Variants in ZNF45 observed in about 807,000 individuals in gnomAD.
ZNF45 encodes the protein zinc finger protein 45.
In ZNF45, 4 loss-of-function variants were observed where a neutral mutation model predicts 12.0. The ratio of observed to expected loss-of-function variants is 0.33; its 90% CI spans 0.16 to 0.76. The LOEUF (loss-of-function observed/expected upper bound fraction) is 0.76, where lower values mean the gene tolerates loss of function less well. Among genes scored for constraint, ZNF45 ranks in the 30% least tolerant of loss-of-function variants. The pLI is 0.60. For synonymous variants in ZNF45, 272 were observed against 279.6 expected (o/e 0.97, Z 0.27); for missense variants, 700 against 813.0 (o/e 0.86, Z 1.69).
At chr19:43,925,129 C>G (rs1356004267) in intron 4 of ZNF45, 196 bp downstream of exon 4, 1 of 152,190 alleles carries the variant, frequency 6.6e-6, no homozygotes, top group African/African-American at 2.4e-5. Flanking sequence ...AGCTCTTTCT[C>G]TCTTCCTCCC....
At chr19:43,919,462 T>C in intron 8 of ZNF45, 111 bp downstream of exon 8, 3 of 1,322,126 alleles carry the variant, frequency 2.3e-6, no homozygotes, top group Admixed American at 2.4e-5. Flanking sequence ...TGTCTTATGA[T>C]GGATGATTAG....
Position 43,930,207 on chromosome 19 carries a change from A to ACT in ZNF45, c.-400+2395_-400+2396dup, listed in dbSNP as rs561677336. Among the ~76,000 whole-genome samples the ACT allele has an allele frequency of 5.9e-4, 89 of 152,004 alleles. 1 individual carries two copies. Among genetic ancestry groups the ACT allele is most frequent in the African/African-American group, 2.1e-3 (87 of 41,444 alleles). On this transcript the variant is annotated intron_variant, in intron 3 of 9. Transcript: ENST00000269973. ...TATGGCAGAAGAACAAGGGAGGTGAACTCTCTCTCTGAAGCCTCTTTTATA... is the reference window on the plus strand; with the variant it reads ...TATGGCAGAAGAACAAGGGAGGTGAACTCTCTCTCTCTGAAGCCTCTTTTATA...
In ZNF45 at chr19:43,914,958, C is replaced by G. The variant is rs148906238; in HGVS notation, c.478G>C (p.Gly160Arg). The change falls in exon 10 of 10, where the codon GGT (glycine) becomes CGT (arginine). Residue 160 changes from glycine to arginine, a missense_variant. Physicochemically the swap from Gly to Arg is moderately radical, Grantham distance 125. Coordinates refer to ENST00000269973, the MANE Select transcript of ZNF45 (RefSeq NM_003425.4). ...TGTTCTCCTTTGTAGGGTTTTTCAC[C>G]AGTGTGGACTCTGTGAACTTGAAGA... ...SHLQVHRVHT[G>R]EKPYKGEHCV... 405 of 1,606,484 alleles carry G rather than the reference C, an allele frequency of 2.5e-4. 2 individuals are homozygous for G. The highest frequency in any genetic ancestry group is 5.8e-5 in the Non-Finnish European group (68 of 1,174,192).
intron 2 of ZNF45, among the ~76,000 whole-genome samples, chr19:43,933,637 TG>T (rs1974306817): frequency 6.6e-6 from 1 of 152,158 alleles, no homozygotes; most frequent in Non-Finnish European, 1.5e-5. Flanking sequence ...TGGGTATGTT[TG>T]GATATTTCCA....
At chr19:43,927,420 CAT>C (rs1299576691) in intron 3 of ZNF45, among the ~76,000 whole-genome samples, 1 of 152,124 alleles carries the variant, frequency 6.6e-6, no homozygotes, top group Non-Finnish European at 1.5e-5. Flanking sequence ...ATTCATTCAA[CAT>C]ATGATTGTTG....
rs1350913303 is a variant in ZNF45 at position 43,924,288 on chromosome 19, TA to T, written c.-84del. Reference sequence around the variant, plus strand: ...GTTGTGTGACCTTGGTCCAAACACCTAAACTTCTGTGCCTATGCTCAGCTAT... The same window carrying T: ...GTTGTGTGACCTTGGTCCAAACACCTAACTTCTGTGCCTATGCTCAGCTAT... On this transcript the variant is annotated 5_prime_UTR_variant, in exon 6 of 10. The change creates a premature stop within an existing upstream ORF in the 5' untranslated region. Transcript: ENST00000269973. 2 of 152,238 alleles carry T rather than the reference TA, an allele frequency of 1.3e-5. No homozygotes were observed. The highest frequency in any genetic ancestry group is 4.8e-5 in the African/African-American group (2 of 41,450). The allele number at this position is 152,238 out of a possible 1,614,324, so 9.4% of individuals were successfully genotyped here.
chr19:43,925,079 A>G (rs1973562679), intron 4 of ZNF45: 1 of 152,196 alleles, frequency 6.6e-6, no homozygotes, highest in African/African-American at 2.4e-5. Context: ...TGAAGCCTCC[A>G]TAATGGGATT....
intron 7 of ZNF45, among the ~76,000 whole-genome samples, chr19:43,920,316 C>T (rs770764900): frequency 5.3e-5 from 8 of 151,718 alleles, no homozygotes; most frequent in African/African-American, 1.5e-4. Context: ...TTAGCATATA[C>T]GTTGTTGTTC....
Position 43,932,964 on chromosome 19 carries a change from G to C in ZNF45, c.-486-274C>G, listed in dbSNP as rs12978654. On this transcript the variant is annotated intron_variant, in intron 2 of 9. Transcript: ENST00000269973. ...TGTCTTTGGAAATAGGGCCTTTAAA[G>C]AGGTGATGAAGTTGACTTACAGCAA... 6.6e-3 allele frequency among the ~76,000 whole-genome samples: 1,005 copies of C among 152,294 alleles called. 3 individuals are homozygous for C. The highest frequency in any genetic ancestry group is 0.012 in the Non-Finnish European group (787 of 68,014).
chr19:43,914,664 C>T lies in ZNF45; in HGVS notation c.772G>A (p.Gly258Arg), dbSNP rs753977457. Reference protein sequence around the residue: ...YKYEECGRNVGKSSHCQAPLI... With the variant: ...YKYEECGRNVRKSSHCQAPLI... ...GGAGCTTGACAATGTGAGCTTTTCC[C>T]AACATTCCTCCCACACTCTTCATAT... is the stretch of plus-strand genomic sequence containing the variant. Residue 258 changes from glycine (G) to arginine (R), a missense_variant, in exon 10 of 10, where the codon GGG (glycine) becomes AGG (arginine). Physicochemically the swap from Gly to Arg is moderately radical, Grantham distance 125. Transcript: ENST00000269973. 1.1e-5 allele frequency: 18 copies of T among 1,613,524 alleles called. No individual in the cohort carries two copies. The African/African-American group carries it at 1.7e-4, about 16-fold the overall frequency.
chr19:43,930,064 C>CT (rs1973995513), intron 3 of ZNF45: 2 of 152,172 alleles, frequency 1.3e-5, no homozygotes, highest in African/African-American at 4.8e-5. Context: ...GATGGGAAGT[C>CT]TAAGATCAAG....
At chr19:43,919,446 C>A in intron 8 of ZNF45, 127 bp downstream of exon 8, 1 of 1,188,470 alleles carries the variant, frequency 8.4e-7, no homozygotes, top group Non-Finnish European at 1.2e-6. Flanking sequence ...TTAAAAATTC[C>A]ATATCTGTCT....
chr19:43,930,075 G>A (rs1051070419), intron 3 of ZNF45: 1 of 152,332 alleles, frequency 6.6e-6, no homozygotes, highest in Middle Eastern at 3.4e-3. Flanking sequence ...TAAGATCAAG[G>A]CTCCAGCAGG....
Position 43,934,476 on chromosome 19 carries a change from G to A in ZNF45, c.-537C>T, listed in dbSNP as rs1974366590. On this transcript the variant is annotated 5_prime_UTR_variant, in exon 2 of 10. Transcript: ENST00000269973. Reference sequence around the variant, plus strand: ...AAGGTGAATGCTAGGTCCTGTCACAGTGGGGCTCTGCTGCCAGAAGCCAGG... The same window carrying A: ...AAGGTGAATGCTAGGTCCTGTCACAATGGGGCTCTGCTGCCAGAAGCCAGG... 1 of 152,154 alleles carries A rather than the reference G, an allele frequency of 6.6e-6. No individual in the cohort carries two copies. Among genetic ancestry groups the A allele is most frequent in the Admixed American group, 6.5e-5 (1 of 15,268 alleles). 9.4% of individuals were successfully genotyped at this position (152,154 alleles called of 1,614,324 possible). A position where few individuals can be genotyped will look rare whatever the true frequency, so the allele number is the denominator to read the frequency against.
rs1199312229 is a variant in ZNF45, at chr19:43,914,689, T to C, written c.747A>G (p.Lys249=). 2.5e-6 allele frequency: 4 copies of C among 1,614,142 alleles called. No homozygotes were observed. In the East Asian group the frequency reaches 8.9e-5, roughly 36 times the overall value. The change falls in exon 10 of 10, where the codon AAA becomes AAG. Residue 249 remains lysine (K), a synonymous_variant. Transcript: ENST00000269973. ...QRVPTGENPY[K]YEECGRNVGK... is the part of the protein sequence containing the mutation. ...CAACATTCCTCCCACACTCTTCATA[T>C]TTGTATGGATTCTCTCCAGTGGGAA...
chr19:43,929,643 C>G (rs116264639), intron 3 of ZNF45, among the ~76,000 whole-genome samples: 1 of 152,180 alleles, frequency 6.6e-6, no homozygotes, highest in South Asian at 2.1e-4. Context: ...TGTTGTCACT[C>G]AGCCGCTTTT....
At chr19:43,920,536 G>T (rs8107103) in intron 7 of ZNF45, among the ~76,000 whole-genome samples, 1,405 of 10,038 alleles carry the variant, frequency 0.14, 62 homozygotes, top group African/African-American at 0.19. Context: ...GTTGCCGGGT[G>T]GGGGGGGGGG....
chr19:43,920,312 T>C (rs1041524894), intron 7 of ZNF45, among the ~76,000 whole-genome samples: 2 of 152,128 alleles, frequency 1.3e-5, no homozygotes, highest in African/African-American at 4.8e-5. Context: ...TTTTTTAGCA[T>C]ATACGTTGTT....
At position 43,920,539 on chromosome 19, in the gene ZNF45, G is replaced by A. The variant is rs866394259; in HGVS notation, c.16-840C>T. Among the ~76,000 whole-genome samples the A allele has an allele frequency of 1.0e-4, 14 of 136,270 alleles. 1 individual carries two copies. The highest frequency in any genetic ancestry group is 3.0e-4 in the African/African-American group (11 of 36,742). 89.4% of individuals were successfully genotyped at this position (136,270 alleles called of 152,430 possible). On this transcript the variant is annotated intron_variant, in intron 7 of 9. Coordinates refer to ENST00000269973, the MANE Select transcript of ZNF45 (RefSeq NM_003425.4). ...ATGTTTCCAGATGTTGCCGGGTGGG[G>A]GGGGGGGGCAGTGGGCGGTAAAGTC...
Sources: allele counts gnomAD v4.1 joint callset (sites outside exome capture counted in the v4.1 genomes callset), GRCh38; gene constraint gnomAD v4.1.1; transcripts MANE v1.5; gene names NCBI Gene and HGNC (gene_info 2026-07-23, HGNC 2026-07-21).